The following PITPNC1 variants were observed in gnomAD, a reference collection of about 807,000 sequenced individuals.
PITPNC1 encodes the protein phosphatidylinositol transfer protein cytoplasmic 1, also known as cytoplasmic phosphatidylinositol transfer protein 1.
In PITPNC1, 18 loss-of-function variants were observed where a neutral mutation model predicts 44.7. The ratio of observed to expected loss-of-function variants is 0.40; its 90% CI spans 0.28 to 0.60. The LOEUF (loss-of-function observed/expected upper bound fraction) is 0.60, where lower values mean the gene tolerates loss of function less well. PITPNC1 is among the 20% of genes least tolerant of loss of function. PITPNC1 has a pLI of 0.39. For missense variants in PITPNC1, 290 were observed against 418.4 expected (o/e 0.69, Z 2.68); for synonymous variants, 141 against 149.6 (o/e 0.94, Z 0.42).
chr17:67,426,750 C>T (rs1416886771), intron 1 of PITPNC1, among the ~76,000 whole-genome samples: 3 of 152,094 alleles, frequency 2.0e-5, no homozygotes, highest in African/African-American at 7.2e-5. Context: ...AAATAAATTA[C>T]ATATGTTTAG....
intron 1 of PITPNC1, among the ~76,000 whole-genome samples, chr17:67,443,548 C>CACAGTGAA (rs1424258850): frequency 6.6e-6 from 1 of 150,602 alleles, no homozygotes; most frequent in African/African-American, 2.4e-5. Flanking sequence ...TACAATTTGA[C>CACAGTGAA]ACAGTGAAAA....
At chr17:67,688,155 A>G (rs1388990438) in intron 8 of PITPNC1, among the ~76,000 whole-genome samples, 1 of 151,540 alleles carries the variant, frequency 6.6e-6, no homozygotes, top group Non-Finnish European at 1.5e-5. Flanking sequence ...CCTGACCAAC[A>G]TGGAGAAACC....
chr17:67,638,165 G>C (rs2144345005), intron 6 of PITPNC1: 1 of 152,396 alleles, frequency 6.6e-6, no homozygotes, highest in Non-Finnish European at 1.5e-5. Flanking sequence ...GAGGAATGAG[G>C]AACTCTGCAC....
At chr17:67,440,718 AT>A (rs916436151) in intron 1 of PITPNC1, among the ~76,000 whole-genome samples, 2 of 150,552 alleles carry the variant, frequency 1.3e-5, no homozygotes, top group African/African-American at 4.9e-5. Flanking sequence ...TTGAAAAAAA[AT>A]TTTTTTTATA....
chr17:67,410,357 C>G (rs1048126186), intron 1 of PITPNC1, among the ~76,000 whole-genome samples: 2 of 152,098 alleles, frequency 1.3e-5, no homozygotes, highest in Admixed American at 1.3e-4. Context: ...GGACCTTAAA[C>G]AGGTCTTTGG....
chr17:67,591,266 G>A lies in PITPNC1; in HGVS notation c.366+13009G>A, dbSNP rs149270781. Among the ~76,000 whole-genome samples the A allele has an allele frequency of 9.2e-5, 14 of 152,246 alleles. No homozygotes were observed. In the East Asian group the frequency reaches 2.5e-3, roughly 27 times the overall value. On this transcript the variant is annotated intron_variant, in intron 5 of 8. Transcript: ENST00000581322. ...TTGAGGTCATGAAAGACAAAGAAAG[G>A]CTGATGAATTATTTTAGATTAAAGA...
At chr17:67,553,363 G>T in intron 3 of PITPNC1, 1 of 331,636 alleles carries the variant, frequency 3.0e-6, no homozygotes. Context: ...TTAGCCACAA[G>T]CCTATAGGCT....
rs976534617 is a variant in PITPNC1, at chr17:67,621,993, T to TA, written c.367-10143dup. ...ATTACTTTTGCACCAACCTAATATT[T>TA]AAAAAAAGACTCACTCCTGTAATCC... On this transcript the variant is annotated intron_variant, in intron 5 of 8. Coordinates refer to ENST00000581322, the MANE Select transcript of PITPNC1 (RefSeq NM_012417.4). Among the ~76,000 whole-genome samples the TA allele has an allele frequency of 2.6e-5, 4 of 151,850 alleles. No homozygotes were observed. The South Asian group carries it at 6.2e-4, about 24-fold the overall frequency.
chr17:67,513,582 C>A (rs143268607), intron 1 of PITPNC1, among the ~76,000 whole-genome samples: 152 of 150,844 alleles, frequency 1.0e-3, no homozygotes, highest in African/African-American at 3.5e-3. Flanking sequence ...TTGGTAGTTG[C>A]CAAGTGGGAG....
chr17:67,513,390 TATCTATATCTATATCTACATCTAC>T (rs2040215153), intron 1 of PITPNC1, among the ~76,000 whole-genome samples: 1 of 146,274 alleles, frequency 6.8e-6, no homozygotes, highest in Non-Finnish European at 1.5e-5. Flanking sequence ...TCTATATCTA[TATCTATATCTATATCTACATCTAC>T]ATATGTGTGT....
intron 5 of PITPNC1, among the ~76,000 whole-genome samples, chr17:67,599,026 ATATATATATT>A (rs201449523): frequency 5.0e-3 from 162 of 32,424 alleles, no homozygotes; most frequent in Admixed American, 7.0e-3. Context: ...ATATATATAT[ATATATATATT>A]TTTTTTTTTT....
intron 6 of PITPNC1, among the ~76,000 whole-genome samples, chr17:67,665,026 C>T (rs918893145): frequency 2.6e-5 from 4 of 151,752 alleles, no homozygotes; most frequent in South Asian, 2.1e-4. Flanking sequence ...TGTATTGTTT[C>T]CCTTTTTTGT....
At chr17:67,663,393 C>G (rs552907124) in intron 6 of PITPNC1, among the ~76,000 whole-genome samples, 1 of 151,840 alleles carries the variant, frequency 6.6e-6, no homozygotes, top group African/African-American at 2.4e-5. Flanking sequence ...CACAGTGAAA[C>G]CCCCGTCTCT....
Position 67,425,197 on chromosome 17 carries a change from G to GCACACA in PITPNC1, c.48+47000_48+47001insACACAC, listed in dbSNP as rs60303181. Among the ~76,000 whole-genome samples the GCACACA allele has an allele frequency of 4.1e-4, 40 of 98,456 alleles. 2 individuals are homozygous for GCACACA. Among genetic ancestry groups the GCACACA allele is most frequent in the South Asian group, 3.4e-3 (7 of 2,086 alleles). 64.6% of individuals were successfully genotyped at this position (98,456 alleles called of 152,430 possible). On this transcript the variant is annotated intron_variant, in intron 1 of 8. Coordinates refer to ENST00000581322, the MANE Select transcript of PITPNC1 (RefSeq NM_012417.4). ...AAACAGCCATGTTGTGCGCGCGCAC[G>GCACACA]CACACGCACACACACACACACACAC...
intron 1 of PITPNC1, among the ~76,000 whole-genome samples, chr17:67,398,190 A>G (rs371355219): frequency 6.6e-5 from 10 of 152,190 alleles, no homozygotes; most frequent in Non-Finnish European, 1.5e-5. Context: ...GTTTCAGACC[A>G]TGAATTTTAA....
intron 5 of PITPNC1, among the ~76,000 whole-genome samples, chr17:67,615,749 A>G (rs1360282104): frequency 6.6e-6 from 1 of 152,198 alleles, no homozygotes; most frequent in Non-Finnish European, 1.5e-5. Context: ...AATTGAAATA[A>G]GAAGGAACGG....
intron 1 of PITPNC1, among the ~76,000 whole-genome samples, chr17:67,445,433 G>C (rs145670576): frequency 1.3e-5 from 2 of 152,038 alleles, no homozygotes; most frequent in East Asian, 3.8e-4. Flanking sequence ...AGCCCCAACA[G>C]TAACTAGGTA....
At chr17:67,683,843 TGG>T (rs1180399128) in intron 8 of PITPNC1, among the ~76,000 whole-genome samples, 1 of 151,472 alleles carries the variant, frequency 6.6e-6, no homozygotes, top group East Asian at 2.0e-4. Context: ...CCGGGCGTGG[TGG>T]CACACACCAG....
intron 6 of PITPNC1, among the ~76,000 whole-genome samples, chr17:67,669,177 G>C (rs1299115174): frequency 6.6e-6 from 1 of 152,124 alleles, no homozygotes; most frequent in Non-Finnish European, 1.5e-5. Flanking sequence ...CGCAATCTTG[G>C]CTCACCACAA....
Sources: gnomAD v4.1 joint callset for allele counts (sites outside exome capture counted in the v4.1 genomes callset) on GRCh38, gnomAD v4.1.1 for gene constraint, MANE v1.5 for transcripts, NCBI Gene and HGNC (gene_info 2026-07-23, HGNC 2026-07-21) for gene names.